The following FSTL5 variants were observed in gnomAD, a reference collection of about 807,000 sequenced individuals.
FSTL5 encodes follistatin-related protein 5.
In FSTL5, 62 loss-of-function variants were observed where a neutral mutation model predicts 89.1. The ratio of observed to expected loss-of-function variants is 0.70; its 90% CI spans 0.57 to 0.86. The LOEUF (loss-of-function observed/expected upper bound fraction) is 0.86. FSTL5 is among the 40% of genes least tolerant of loss of function. The pLI is 0.00. For missense variants in FSTL5, 1,057 were observed against 1,001.6 expected, an observed-to-expected ratio of 1.06 and a Z score of -0.75; for synonymous variants, 383 against 346.2, an observed-to-expected ratio of 1.11 and a Z score of -1.18.
rs1730526826 is a variant in FSTL5 at position 161,384,070 on chromosome 4, CAGA to C, written c.*1674_*1676del. On this transcript the variant is annotated 3_prime_UTR_variant, in exon 16 of 16. Coordinates refer to ENST00000306100, the MANE Select transcript of FSTL5 (RefSeq NM_020116.5). ...GGAAGAAAATTGCTAAAAAGTAAAGCAGATTCAATAAGTAGAAACATAAGCTGA... is the reference window on the plus strand; with the variant it reads ...GGAAGAAAATTGCTAAAAAGTAAAGCTTCAATAAGTAGAAACATAAGCTGA... The C allele has an allele frequency of 6.6e-6, 1 of 152,114 alleles. No individual in the cohort carries two copies. Among genetic ancestry groups the C allele is most frequent in the Non-Finnish European group, 1.5e-5 (1 of 67,988 alleles). The allele number at this position is 152,114 out of a possible 1,614,324, so 9.4% of individuals were successfully genotyped here.
intron 7 of FSTL5, among the ~76,000 whole-genome samples, chr4:161,629,819 C>T (rs1735442555): frequency 6.6e-6 from 1 of 152,150 alleles, no homozygotes; most frequent in African/African-American, 2.4e-5. Context: ...GGCCTGACTA[C>T]GGGAAATTAC....
At chr4:161,467,118 A>G (rs1207137502) in intron 13 of FSTL5, among the ~76,000 whole-genome samples, 1 of 152,042 alleles carries the variant, frequency 6.6e-6, no homozygotes, top group Non-Finnish European at 1.5e-5. Flanking sequence ...TAACTGTAAC[A>G]TTATTTTCTT....
At chr4:161,830,836 T>C (rs746229035) in intron 4 of FSTL5, among the ~76,000 whole-genome samples, 2 of 151,958 alleles carry the variant, frequency 1.3e-5, no homozygotes, top group Admixed American at 1.3e-4. Context: ...TTGATCATAG[T>C]ATGCTAAAAA....
At chr4:161,512,979 G>T (rs1440729975) in intron 10 of FSTL5, among the ~76,000 whole-genome samples, 1 of 151,814 alleles carries the variant, frequency 6.6e-6, no homozygotes, top group Non-Finnish European at 1.5e-5. Context: ...ATATCTTCAA[G>T]GGTGGCCACG....
chr4:161,415,474 C>T (rs925251993), intron 15 of FSTL5, among the ~76,000 whole-genome samples: 12 of 152,072 alleles, frequency 7.9e-5, no homozygotes, highest in African/African-American at 2.9e-4. Context: ...AGGCTGGTCT[C>T]GAACTCCTAA....
chr4:161,771,574 A>G (rs1323529039), intron 5 of FSTL5, among the ~76,000 whole-genome samples: 1 of 152,106 alleles, frequency 6.6e-6, no homozygotes, highest in East Asian at 1.9e-4. Flanking sequence ...GATTTCATCA[A>G]TTTAGGGCCA....
intron 7 of FSTL5, among the ~76,000 whole-genome samples, chr4:161,631,751 A>C (rs141500888): frequency 4.2e-3 from 634 of 152,364 alleles, no homozygotes; most frequent in African/African-American, 0.015. Flanking sequence ...AATTACTACA[A>C]AATTTTGACT....
At chr4:161,546,460 T>C (rs1001710690) in intron 8 of FSTL5, among the ~76,000 whole-genome samples, 2 of 151,204 alleles carry the variant, frequency 1.3e-5, no homozygotes, top group African/African-American at 2.4e-5. Context: ...AGTAAAACTA[T>C]AGAACACCAA....
At position 161,403,587 on chromosome 4, in the gene FSTL5, G is replaced by A. The variant is rs752935375; in HGVS notation, c.1842-17138C>T. 6.6e-5 allele frequency among the ~76,000 whole-genome samples: 10 copies of A among 152,038 alleles called. 1 individual carries two copies. The highest frequency in any genetic ancestry group is 1.3e-4 in the Non-Finnish European group (9 of 68,026). ...TTCTTTTATAAGAAAAATAATTCAG[G>A]TTTTATAATAGAAAATTGCACATAT... On this transcript the variant is annotated intron_variant, in intron 15 of 15. Coordinates refer to ENST00000306100, the MANE Select transcript of FSTL5 (RefSeq NM_020116.5).
At chr4:161,449,512 T>C (rs927589168) in intron 15 of FSTL5, among the ~76,000 whole-genome samples, 1 of 152,166 alleles carries the variant, frequency 6.6e-6, no homozygotes, top group African/African-American at 2.4e-5. Context: ...AGTTTATGCC[T>C]TCTCTTATTA....
At chr4:161,550,637 G>C (rs1732173893) in intron 8 of FSTL5, among the ~76,000 whole-genome samples, 1 of 150,762 alleles carries the variant, frequency 6.6e-6, no homozygotes, top group South Asian at 2.1e-4. Context: ...CATTGTGCAG[G>C]TTAGTTACAT....
At chr4:161,552,684 G>A (rs890875282) in intron 8 of FSTL5, 29 of 151,390 alleles carry the variant, frequency 1.9e-4, no homozygotes, top group African/African-American at 6.8e-4. Context: ...TCATGTAATC[G>A]ACATGTGTCT....
chr4:161,579,331 G>T (rs1000176689), intron 8 of FSTL5, among the ~76,000 whole-genome samples: 3 of 152,034 alleles, frequency 2.0e-5, no homozygotes, highest in East Asian at 1.9e-4. Flanking sequence ...TTTAAAAAAA[G>T]ATATAACTAA....
chr4:161,447,662 TA>T (rs978977986), intron 15 of FSTL5, among the ~76,000 whole-genome samples: 5 of 152,074 alleles, frequency 3.3e-5, no homozygotes, highest in African/African-American at 4.8e-5. Flanking sequence ...TTGCTTAAAA[TA>T]AAAGCCAATC....
intron 6 of FSTL5, among the ~76,000 whole-genome samples, chr4:161,755,053 A>G (rs1579069779): frequency 1.3e-5 from 2 of 152,194 alleles, no homozygotes; most frequent in East Asian, 3.9e-4. Flanking sequence ...CTTACCAGAG[A>G]ATTTGGTATT....
chr4:161,403,578 A>T (rs1731257669), intron 15 of FSTL5, among the ~76,000 whole-genome samples: 1 of 152,180 alleles, frequency 6.6e-6, no homozygotes, highest in Non-Finnish European at 1.5e-5. Context: ...TATAAGAAAA[A>T]TAATTCAGGT....
At chr4:161,657,467 A>G (rs1258845282) in intron 6 of FSTL5, among the ~76,000 whole-genome samples, 1 of 152,172 alleles carries the variant, frequency 6.6e-6, no homozygotes, top group African/African-American at 2.4e-5. Context: ...GAGTGAAATA[A>G]TTGTCCTCTG....
intron 8 of FSTL5, among the ~76,000 whole-genome samples, chr4:161,552,158 G>T (rs1732239374): frequency 6.6e-6 from 1 of 151,878 alleles, no homozygotes; most frequent in Non-Finnish European, 1.5e-5. Context: ...AAGGGGTGGA[G>T]TAAAAACACT....
chr4:161,933,093 T>C (rs1485377069), intron 3 of FSTL5, among the ~76,000 whole-genome samples: 1 of 152,200 alleles, frequency 6.6e-6, no homozygotes, highest in Non-Finnish European at 1.5e-5. Context: ...GCTATTTTAC[T>C]GTCCATTTTA....
Sources: allele counts gnomAD v4.1 joint callset (sites outside exome capture counted in the v4.1 genomes callset), GRCh38; gene constraint gnomAD v4.1.1; transcripts MANE v1.5; gene names NCBI Gene and HGNC (gene_info 2026-07-23, HGNC 2026-07-21).